Variants in HMGB1 observed in about 807,000 individuals in gnomAD.
HMGB1 encodes the protein high mobility group box 1, also known as high mobility group protein B1.
For synonymous variants in HMGB1, 81 were observed against 84.0 expected (o/e 0.96, Z 0.19); for missense variants, 79 against 253.5 (o/e 0.31, Z 4.67).
At chr13:30,528,640 T>C (rs1888424101) in intron 1 of HMGB1, among the ~76,000 whole-genome samples, 1 of 152,112 alleles carries the variant, frequency 6.6e-6, no homozygotes, top group South Asian at 2.1e-4. Context: ...ATGACATCCA[T>C]AGAGAACAGC....
intron 1 of HMGB1, among the ~76,000 whole-genome samples, chr13:30,530,871 A>ATATGTTATG (rs1888478441): frequency 6.6e-6 from 1 of 152,102 alleles, no homozygotes; most frequent in African/African-American, 2.4e-5. Context: ...ACATAACGAA[A>ATATGTTATG]TCCTGTCTCT....
At position 30,616,521 on chromosome 13, in the gene HMGB1, CCT is replaced by C. The variant is rs1200151450; in HGVS notation, c.-15+148_-15+149del. ...TAGCAGTGGTGAACAAGAAAACAAC[CCT>C]CTGAGTTTTGTCTATTTCAGGAGGA... On this transcript the variant is annotated intron_variant, in intron 1 of 4. Transcript: ENST00000405805. The C allele has an allele frequency of 3.3e-5, 5 of 152,230 alleles. No homozygotes were observed. The East Asian group carries it at 7.7e-4, about 23-fold the overall frequency. The allele number at this position is 152,230 out of a possible 1,614,324, so 9.4% of individuals were successfully genotyped here. A position where few individuals can be genotyped will look rare whatever the true frequency, so the allele number is the denominator to read the frequency against.
Position 30,579,482 on chromosome 13 carries a change from C to G in HMGB1, c.-15+37189G>C, listed in dbSNP as rs1870809047. 2.0e-5 allele frequency among the ~76,000 whole-genome samples: 3 copies of G among 152,190 alleles called. 1 individual carries two copies. The South Asian group carries it at 6.2e-4, about 32-fold the overall frequency. On this transcript the variant is annotated intron_variant, in intron 1 of 4. Transcript: ENST00000405805. ...CAATTTATTATTTTCGTAATAACCT[C>G]AGCTATAATATAAGTCTACCATGAA...
chr13:30,564,468 T>C (rs1015578490), intron 1 of HMGB1, among the ~76,000 whole-genome samples: 18 of 151,874 alleles, frequency 1.2e-4, no homozygotes, highest in Non-Finnish European at 2.2e-4. Flanking sequence ...AGACTCAGTC[T>C]CAAAAAACAA....
chr13:30,616,772 C>G (rs938806932), exon 1 of HMGB1: 1 of 152,168 alleles, frequency 6.6e-6, no homozygotes, highest in African/African-American at 2.4e-5. Flanking sequence ...TAAATAATTT[C>G]TTCTACACGA....
At chr13:30,614,687 G>C (rs551105331) in intron 1 of HMGB1, among the ~76,000 whole-genome samples, 2 of 152,024 alleles carry the variant, frequency 1.3e-5, no homozygotes, top group East Asian at 3.9e-4. Flanking sequence ...TACATTACGA[G>C]TTGTCATGTT....
chr13:30,567,429 C>T (rs1438299461), intron 1 of HMGB1, among the ~76,000 whole-genome samples: 6 of 151,334 alleles, frequency 4.0e-5, no homozygotes, highest in Middle Eastern at 3.2e-3. Context: ...CTGCAACCTC[C>T]GCCTCCTGGG....
intron 1 of HMGB1, among the ~76,000 whole-genome samples, chr13:30,537,652 C>CTTATATATATATAT (rs1555238610): frequency 1.5e-5 from 1 of 68,004 alleles, no homozygotes; most frequent in Non-Finnish European, 3.5e-5. Context: ...CATTCTTGTT[C>CTTATATATATATAT]ATATATATAT....
At chr13:30,574,112 C>G (rs750569810) in intron 1 of HMGB1, among the ~76,000 whole-genome samples, 2 of 152,136 alleles carry the variant, frequency 1.3e-5, no homozygotes, top group Non-Finnish European at 2.9e-5. Flanking sequence ...ATTTGAGATG[C>G]CCAAGATGCC....
At chr13:30,564,549 G>T (rs2137528232) in intron 1 of HMGB1, among the ~76,000 whole-genome samples, 1 of 152,282 alleles carries the variant, frequency 6.6e-6, no homozygotes, top group South Asian at 2.1e-4. Context: ...AAGACTGTTG[G>T]AAGTAAATTT....
Position 30,458,030 on chromosome 13 carries a change from C to G in HMGB1, c.*3327G>C, listed in dbSNP as rs1209056812. The G allele has an allele frequency of 6.6e-6, 1 of 152,112 alleles. No individual in the cohort carries two copies. Among genetic ancestry groups the G allele is most frequent in the African/African-American group, 2.4e-5 (1 of 41,420 alleles). 9.4% of individuals were successfully genotyped at this position (152,112 alleles called of 1,614,324 possible). A position where few individuals can be genotyped will look rare whatever the true frequency, so the allele number is the denominator to read the frequency against. ...ATTATCACACTCCCTAATAAAACAG[C>G]CTAATTACCAAAGGCTCACATTTTA... On this transcript the variant is annotated 3_prime_UTR_variant, in exon 5 of 5. Transcript: ENST00000341423.
At chr13:30,580,881 G>A (rs1870870633) in intron 1 of HMGB1, among the ~76,000 whole-genome samples, 2 of 152,080 alleles carry the variant, frequency 1.3e-5, no homozygotes, top group Non-Finnish European at 2.9e-5. Context: ...ATCCTCATTG[G>A]TCGTTAGAAT....
intron 1 of HMGB1, among the ~76,000 whole-genome samples, chr13:30,552,349 A>T (rs1050246464): frequency 2.0e-5 from 3 of 152,242 alleles, no homozygotes; most frequent in African/African-American, 7.2e-5. Context: ...ACTCTCTTAC[A>T]TAACCACAAG....
chr13:30,561,912 C>T (rs574647262), intron 1 of HMGB1, among the ~76,000 whole-genome samples: 1 of 152,272 alleles, frequency 6.6e-6, no homozygotes, highest in South Asian at 2.1e-4. Flanking sequence ...ACAGTGAAAA[C>T]ATCAGCAACT....
chr13:30,508,449 T>C (rs1887918866), intron 1 of HMGB1, among the ~76,000 whole-genome samples: 1 of 151,920 alleles, frequency 6.6e-6, no homozygotes, highest in African/African-American at 2.4e-5. Context: ...GAGGCAGAGG[T>C]TGCAGTGAGC....
intron 1 of HMGB1, among the ~76,000 whole-genome samples, chr13:30,482,172 C>T (rs1183778629): frequency 5.3e-5 from 8 of 152,208 alleles, no homozygotes. Flanking sequence ...TGAGGCAGGA[C>T]ACCTGAAGGT....
At chr13:30,537,652 CATATATATATATATATATATATATAT>C (rs58424009) in intron 1 of HMGB1, among the ~76,000 whole-genome samples, 21 of 68,028 alleles carry the variant, frequency 3.1e-4, no homozygotes, top group East Asian at 1.9e-3. Flanking sequence ...CATTCTTGTT[CATATATATATATATATATATATATAT>C]ATATATATAT....
chr13:30,609,267 C>T (rs1368218152), intron 1 of HMGB1, among the ~76,000 whole-genome samples: 1 of 151,970 alleles, frequency 6.6e-6, no homozygotes, highest in Admixed American at 6.6e-5. Flanking sequence ...CTCAAAAAAA[C>T]AAACAAACAA....
chr13:30,587,749 A>G (rs894291954), intron 1 of HMGB1, among the ~76,000 whole-genome samples: 1 of 152,210 alleles, frequency 6.6e-6, no homozygotes, highest in Non-Finnish European at 1.5e-5. Flanking sequence ...ATAATTAACA[A>G]ATTCTTGTAT....
Sources: allele counts gnomAD v4.1 joint callset (sites outside exome capture counted in the v4.1 genomes callset), GRCh38; gene constraint gnomAD v4.1.1; transcripts MANE v1.5; gene names NCBI Gene and HGNC (gene_info 2026-07-23, HGNC 2026-07-21).